SUPT3H: variants seen among roughly 807,000 people sequenced by gnomAD.
The protein encoded by SUPT3H is SPT3 homolog, SAGA and STAGA complex component.
SUPT3H carries 44 observed loss-of-function variants against 44.3 expected under a neutral mutation model. The observed-to-expected ratio is 0.99, with a 90% confidence interval of 0.78 to 1.28. The LOEUF (loss-of-function observed/expected upper bound fraction) is 1.28. Among genes scored for constraint, SUPT3H ranks in the 50% most tolerant of loss-of-function variants. The pLI, the probability that SUPT3H is intolerant of heterozygous loss-of-function variation, is 0.00. For missense variants in SUPT3H, 380 were observed against 387.1 expected, an observed-to-expected ratio of 0.98 and a Z score of 0.15; for synonymous variants, 124 against 125.6, an observed-to-expected ratio of 0.99 and a Z score of 0.09.
intron 6 of SUPT3H, among the ~76,000 whole-genome samples, chr6:44,965,351 T>A (rs940304305): frequency 6.6e-6 from 1 of 152,204 alleles, no homozygotes; most frequent in African/African-American, 2.4e-5. Context: ...GATAAAAATA[T>A]TATCATTTTC....
intron 2 of SUPT3H, among the ~76,000 whole-genome samples, chr6:45,343,304 C>T (rs1257823070): frequency 6.6e-6 from 1 of 152,062 alleles, no homozygotes; most frequent in Non-Finnish European, 1.5e-5. Context: ...AGATCAAGAC[C>T]ATCCTGGCCA....
chr6:44,863,255 C>T (rs953252085), intron 10 of SUPT3H, among the ~76,000 whole-genome samples: 16 of 152,164 alleles, frequency 1.1e-4, no homozygotes, highest in African/African-American at 3.1e-4. Flanking sequence ...AGTCCATGCT[C>T]TCACACAAAA....
intron 2 of SUPT3H, among the ~76,000 whole-genome samples, chr6:45,212,159 CAAAAAGAAAAAAG>C (rs888191918): frequency 1.9e-4 from 29 of 151,618 alleles, no homozygotes; most frequent in Admixed American, 8.5e-4. Context: ...GACTCTGTCT[CAAAAAGAAAAAAG>C]AAAAAGAAAA....
chr6:44,900,559 G>C (rs945587840), intron 10 of SUPT3H, among the ~76,000 whole-genome samples: 1 of 152,212 alleles, frequency 6.6e-6, no homozygotes, highest in African/African-American at 2.4e-5. Flanking sequence ...CACAACTCAA[G>C]GAGGCCTGCC....
At chr6:44,941,028 A>AT (rs1037765623) in intron 9 of SUPT3H, among the ~76,000 whole-genome samples, 12 of 152,000 alleles carry the variant, frequency 7.9e-5, no homozygotes, top group African/African-American at 2.2e-4. Context: ...GCCAATCTGT[A>AT]TTTTTTAAGT....
At chr6:45,219,091 G>C (rs1006301281) in intron 2 of SUPT3H, among the ~76,000 whole-genome samples, 3 of 151,940 alleles carry the variant, frequency 2.0e-5, no homozygotes, top group Non-Finnish European at 4.4e-5. Context: ...AAATATGTTT[G>C]ATGCAGCTAA....
intron 2 of SUPT3H, among the ~76,000 whole-genome samples, chr6:45,352,600 T>C (rs1007766212): frequency 7.9e-5 from 12 of 152,168 alleles, no homozygotes; most frequent in African/African-American, 1.2e-4. Context: ...AAGTACATTT[T>C]ATGCTTCTAT....
At chr6:45,084,847 GA>G (rs1440897539) in intron 3 of SUPT3H, among the ~76,000 whole-genome samples, 2 of 152,176 alleles carry the variant, frequency 1.3e-5, no homozygotes, top group East Asian at 3.8e-4. Context: ...TATCCTAAGT[GA>G]GTTAATGCAG....
At chr6:44,823,951 G>A (rs1767547794), downstream of SUPT3H, among the ~76,000 whole-genome samples, 1 of 152,100 alleles carries the variant, frequency 6.6e-6, no homozygotes, top group South Asian at 2.1e-4. Context: ...CAACAAGAGT[G>A]AAACTCTGTC....
chr6:44,847,444 G>C lies in SUPT3H; in HGVS notation c.913-17587C>G, dbSNP rs566802978. ...TCATTCTATAGCTATCATATTACTGGTTGAATACTAATTTTTAAATGGAAA... is the reference window on the plus strand; with the variant it reads ...TCATTCTATAGCTATCATATTACTGCTTGAATACTAATTTTTAAATGGAAA... On this transcript the variant is annotated intron_variant, in intron 10 of 10. Transcript: ENST00000371459. Among the ~76,000 whole-genome samples, 8 of 151,976 alleles carry C rather than the reference G, an allele frequency of 5.3e-5. No homozygotes were observed. The East Asian group carries it at 1.4e-3, about 26-fold the overall frequency.
At chr6:45,323,097 C>T in intron 2 of SUPT3H, 2 of 574,556 alleles carry the variant, frequency 3.5e-6, no homozygotes, top group Non-Finnish European at 6.1e-6. Flanking sequence ...AAAACACTGA[C>T]AATTTATATA....
chr6:45,101,154 G>A (rs1017129177), intron 3 of SUPT3H, among the ~76,000 whole-genome samples: 2 of 152,226 alleles, frequency 1.3e-5, no homozygotes, highest in East Asian at 1.9e-4. Flanking sequence ...GGCCAGGCGC[G>A]GAGGCTCACG....
Position 45,241,208 on chromosome 6 carries a change from C to A in SUPT3H, c.101+123993G>T, listed in dbSNP as rs556086535. On this transcript the variant is annotated intron_variant, in intron 2 of 10. Coordinates refer to ENST00000371459, the MANE Select transcript of SUPT3H (RefSeq NM_003599.4). ...AAAGGGGGACATGTTGGGAACAGGC[C>A]CCCCCCCAAATCTTGCCATAAGCTG... is the stretch of plus-strand genomic sequence containing the variant. 2.1e-5 allele frequency among the ~76,000 whole-genome samples: 3 copies of A among 142,498 alleles called. No homozygotes were observed. The South Asian group carries it at 6.7e-4, about 32-fold the overall frequency. The allele number at this position is 142,498 out of a possible 152,430, so 93.5% of individuals were successfully genotyped here.
chr6:45,243,237 T>C (rs1021445076), intron 2 of SUPT3H, among the ~76,000 whole-genome samples: 1 of 141,210 alleles, frequency 7.1e-6, no homozygotes, highest in Non-Finnish European at 1.5e-5. Flanking sequence ...ATGTATTATA[T>C]ACAAGCTCAA....
chr6:45,084,677 C>G (rs1231881477), intron 3 of SUPT3H, among the ~76,000 whole-genome samples: 1 of 152,120 alleles, frequency 6.6e-6, no homozygotes, highest in Non-Finnish European at 1.5e-5. Flanking sequence ...TTCATCACAG[C>G]CCTATTCACA....
At chr6:44,975,169 TCAAACAAA>T (rs112143344) in intron 6 of SUPT3H, among the ~76,000 whole-genome samples, 1 of 150,628 alleles carries the variant, frequency 6.6e-6, no homozygotes, top group East Asian at 2.0e-4. Flanking sequence ...AGACTCCATC[TCAAACAAA>T]CAAACAAACA....
chr6:45,255,059 A>G (rs1773112323), intron 2 of SUPT3H, among the ~76,000 whole-genome samples: 1 of 152,208 alleles, frequency 6.6e-6, no homozygotes, highest in Non-Finnish European at 1.5e-5. Flanking sequence ...AAAGCATAAG[A>G]GTAGTGATGC....
intron 10 of SUPT3H, among the ~76,000 whole-genome samples, chr6:44,894,528 T>C (rs934775081): frequency 1.3e-5 from 2 of 152,134 alleles, no homozygotes; most frequent in Non-Finnish European, 2.9e-5. Context: ...GATCAGATAG[T>C]TGTAGATATG....
At chr6:44,904,753 T>A (rs1256816388) in intron 10 of SUPT3H, among the ~76,000 whole-genome samples, 2 of 152,172 alleles carry the variant, frequency 1.3e-5, no homozygotes, top group East Asian at 3.8e-4. Context: ...GGCATCACGC[T>A]ACCTGACTTC....
Sources: gnomAD v4.1 joint callset for allele counts (sites outside exome capture counted in the v4.1 genomes callset) on GRCh38, gnomAD v4.1.1 for gene constraint, MANE v1.5 for transcripts, NCBI Gene and HGNC (gene_info 2026-07-23, HGNC 2026-07-21) for gene names.